The following RNF103 variants were observed in gnomAD, a reference collection of about 807,000 sequenced individuals.
RNF103 encodes E3 ubiquitin-protein ligase RNF103.
Under a neutral mutation model 66.2 loss-of-function variants are expected in RNF103, and 23 were observed. That is an observed-to-expected ratio of 0.35 (90% CI 0.25 to 0.49). The LOEUF (loss-of-function observed/expected upper bound fraction) is 0.49. Among genes scored for constraint, RNF103 ranks in the 20% least tolerant of loss-of-function variants. The pLI is 0.98. For synonymous variants in RNF103, 297 were observed against 289.9 expected (o/e 1.02, Z -0.25); for missense variants, 730 against 814.7 (o/e 0.90, Z 1.27).
chr2:86,623,191 C>A lies in RNF103; in HGVS notation c.-305G>T. 9.6e-7 allele frequency: 1 copy of A among 1,041,126 alleles called. No individual in the cohort carries two copies. 64.5% of individuals were successfully genotyped at this position (1,041,126 alleles called of 1,614,324 possible). ...CCATTAAGCACAGAAAGGAGAGGGG[C>A]GCGGGGAGAGCTCGCGGGGAAGAAC... On this transcript the variant is annotated 5_prime_UTR_variant, in exon 1 of 4. Coordinates refer to ENST00000237455, the MANE Select transcript of RNF103 (RefSeq NM_005667.4).
chr2:86,610,991 T>C (rs184031613), intron 3 of RNF103, among the ~76,000 whole-genome samples: 4 of 140,202 alleles, frequency 2.9e-5, no homozygotes, highest in East Asian at 2.1e-4. Flanking sequence ...CTGGGCAACA[T>C]AGCAAGACTC....
chr2:86,617,184 C>T (rs1314716876), intron 2 of RNF103: 5 of 985,208 alleles, frequency 5.1e-6, no homozygotes, highest in Non-Finnish European at 4.8e-6. Flanking sequence ...AGAGACTATA[C>T]GTAACATGGA....
At chr2:86,621,062 A>T (rs683139) in intron 1 of RNF103, among the ~76,000 whole-genome samples, 2 of 152,028 alleles carry the variant, frequency 1.3e-5, no homozygotes, top group African/African-American at 4.8e-5. Flanking sequence ...AAACACTAAA[A>T]TCAAATTATT....
At chr2:86,621,920 T>C (rs749541139) in intron 1 of RNF103, among the ~76,000 whole-genome samples, 11 of 152,220 alleles carry the variant, frequency 7.2e-5, no homozygotes, top group Non-Finnish European at 1.2e-4. Context: ...CTTTAAGACA[T>C]TGAATATTCT....
chr2:86,617,121 T>A, intron 2 of RNF103: 1 of 985,150 alleles, frequency 1.0e-6, no homozygotes, highest in Non-Finnish European at 1.2e-6. Flanking sequence ...TTGGTAAAGA[T>A]GTCATATGTA....
Position 86,603,683 on chromosome 2 carries a change from A to G in RNF103, c.*160T>C. On this transcript the variant is annotated 3_prime_UTR_variant, in exon 4 of 4. Coordinates refer to ENST00000237455, the MANE Select transcript of RNF103 (RefSeq NM_005667.4). The stretch of plus-strand genomic sequence containing the variant: ...TAGGTATGCATTCAATTAACACACA[A>G]GGCAACCAAATAAATTCTGTCATCA... 1 of 1,077,570 alleles carries G rather than the reference A, an allele frequency of 9.3e-7. No individual in the cohort carries two copies. The highest frequency in any genetic ancestry group is 1.3e-6 in the Non-Finnish European group (1 of 777,782). 66.8% of individuals were successfully genotyped at this position (1,077,570 alleles called of 1,614,324 possible).
At position 86,623,125 on chromosome 2, in the gene RNF103, A is replaced by C; in HGVS notation, c.-239T>G. 8.2e-7 allele frequency: 1 copy of C among 1,214,814 alleles called. No individual in the cohort carries two copies. 75.3% of individuals were successfully genotyped at this position (1,214,814 alleles called of 1,614,324 possible). ...AGCCTCGCGCCGGGCCTCCCAGTCA[A>C]GAGCCGACAAAAATAAAGGGGAAAA... On this transcript the variant is annotated 5_prime_UTR_variant, in exon 1 of 4. Coordinates refer to ENST00000237455, the MANE Select transcript of RNF103 (RefSeq NM_005667.4).
At position 86,623,789 on chromosome 2, in the gene RNF103, C is replaced by T. The variant is rs1353572479; in HGVS notation, c.-903G>A. 1.6e-6 allele frequency: 2 copies of T among 1,282,886 alleles called. No individual in the cohort carries two copies. The highest frequency in any genetic ancestry group is 4.6e-5 in the Admixed American group (2 of 43,264). 79.5% of individuals were successfully genotyped at this position (1,282,886 alleles called of 1,614,324 possible). Reference sequence around the variant, plus strand: ...TCGCAGCACCCGTCCCCAACACCCCCGCCACCTCCGGAGACCGCGGCCGTA... The same window carrying T: ...TCGCAGCACCCGTCCCCAACACCCCTGCCACCTCCGGAGACCGCGGCCGTA... On this transcript the variant is annotated 5_prime_UTR_variant, in exon 1 of 4. Transcript: ENST00000237455.
At position 86,603,744 on chromosome 2, in the gene RNF103, A is replaced by C; in HGVS notation, c.*99T>G. On this transcript the variant is annotated 3_prime_UTR_variant, in exon 4 of 4. Transcript: ENST00000237455. Reference sequence around the variant, plus strand: ...AATGTGTATTTCCCGTCACTGCACTAACATTAAACTAAACTTCAAACCACA... The same window carrying C: ...AATGTGTATTTCCCGTCACTGCACTCACATTAAACTAAACTTCAAACCACA... 6.8e-7 allele frequency: 1 copy of C among 1,471,190 alleles called. No homozygotes were observed. The highest frequency in any genetic ancestry group is 1.4e-5 in the South Asian group (1 of 73,276). The allele number at this position is 1,471,190 out of a possible 1,614,324, so 91.1% of individuals were successfully genotyped here. A position where few individuals can be genotyped will look rare whatever the true frequency, so the allele number is the denominator to read the frequency against.
intron 2 of RNF103, chr2:86,617,224 T>C (rs1679054165): frequency 5.1e-6 from 5 of 984,846 alleles, no homozygotes; most frequent in Non-Finnish European, 6.0e-6. Flanking sequence ...ATGAAGAGGA[T>C]TGAACTGGCT....
chr2:86,621,458 T>C (rs1218583962), intron 1 of RNF103, among the ~76,000 whole-genome samples: 1 of 152,206 alleles, frequency 6.6e-6, no homozygotes, highest in African/African-American at 2.4e-5. Flanking sequence ...ATGGTAGAAA[T>C]AAGAATCGCC....
At chr2:86,619,239 CTAA>C in intron 2 of RNF103, among the ~76,000 whole-genome samples, 1 of 152,218 alleles carries the variant, frequency 6.6e-6, no homozygotes, top group East Asian at 1.9e-4. Context: ...AGACCTGCAA[CTAA>C]TGTCTCTGAA....
intron 3 of RNF103, among the ~76,000 whole-genome samples, chr2:86,607,633 T>G (rs1678624986): frequency 6.6e-6 from 1 of 152,234 alleles, no homozygotes; most frequent in Non-Finnish European, 1.5e-5. Flanking sequence ...AATAATTCAT[T>G]GATTGACATG....
Position 86,621,249 on chromosome 2 carries a change from A to G in RNF103, c.227-780T>C, listed in dbSNP as rs116683988. On this transcript the variant is annotated intron_variant, in intron 1 of 3. Coordinates refer to ENST00000237455, the MANE Select transcript of RNF103 (RefSeq NM_005667.4). ...GTCTTAAAGTTAAATGTGGACTTCT[A>G]GTACATTCAATGTGCCAAGTATTTT... Among the ~76,000 whole-genome samples, 531 of 152,292 alleles carry G rather than the reference A, an allele frequency of 3.5e-3. 4 individuals carry two copies. The highest frequency in any genetic ancestry group is 0.011 in the African/African-American group (471 of 41,570).
intron 1 of RNF103, among the ~76,000 whole-genome samples, chr2:86,621,960 C>T (rs1573372965): frequency 6.6e-6 from 1 of 152,134 alleles, no homozygotes; most frequent in East Asian, 1.9e-4. Flanking sequence ...TATTTCTCAA[C>T]CCATTAAACA....
At chr2:86,619,477 G>A (rs1465748019) in intron 2 of RNF103, among the ~76,000 whole-genome samples, 1 of 152,098 alleles carries the variant, frequency 6.6e-6, no homozygotes, top group East Asian at 1.9e-4. Context: ...CTCAGAAAGG[G>A]TTAGTCTGAT....
rs539595637 is a variant in RNF103 at position 86,612,474 on chromosome 2, G to A, written c.367-200C>T. On this transcript the variant is annotated intron_variant, in intron 2 of 3. Transcript: ENST00000237455. ...GGAAAAAGACTTGAAACACTGAAACGTAAATTAAACTCTCCCACACTCTGT... is the reference window on the plus strand; with the variant it reads ...GGAAAAAGACTTGAAACACTGAAACATAAATTAAACTCTCCCACACTCTGT... 5.1e-5 allele frequency: 25 copies of A among 486,422 alleles called. 1 individual carries two copies. Among genetic ancestry groups the A allele is most frequent in the South Asian group, 1.3e-4 (5 of 37,054 alleles). 30.1% of individuals were successfully genotyped at this position (486,422 alleles called of 1,614,324 possible).
At position 86,623,851 on chromosome 2, in the gene RNF103, G is replaced by A. The variant is rs1444700990; in HGVS notation, c.-965C>T. The A allele has an allele frequency of 7.8e-7, 1 of 1,287,992 alleles. No homozygotes were observed. The highest frequency in any genetic ancestry group is 1.0e-6 in the Non-Finnish European group (1 of 988,330). 79.8% of individuals were successfully genotyped at this position (1,287,992 alleles called of 1,614,324 possible). A position where few individuals can be genotyped will look rare whatever the true frequency, so the allele number is the denominator to read the frequency against. ...CGTGTATCAGCGGCGGCCGCGGCCG[G>A]AGCCGAGACATAACAACTGACGTCG... On this transcript the variant is annotated 5_prime_UTR_variant, in exon 1 of 4. Coordinates refer to ENST00000237455, the MANE Select transcript of RNF103 (RefSeq NM_005667.4).
Position 86,604,910 on chromosome 2 carries a change from A to T in RNF103, c.991T>A (p.Leu331Met). The T allele has an allele frequency of 6.2e-7, 1 of 1,614,164 alleles. No homozygotes were observed. Among genetic ancestry groups the T allele is most frequent in the Non-Finnish European group, 8.5e-7 (1 of 1,180,024 alleles). The change falls in exon 4 of 4, where the codon TTG (leucine) becomes ATG (methionine). Residue 331 changes from leucine (L) to methionine (M), a missense_variant. Coordinates refer to ENST00000237455, the MANE Select transcript of RNF103 (RefSeq NM_005667.4). ...PEVNDLFVLS[L>M]VLVNLMAWMD... ...CAAGCCATAAGATTAACTAGAACCA[A>T]GCTCAAAACAAACAGATCATTTACC...
Sources: gnomAD v4.1 joint callset for allele counts (sites outside exome capture counted in the v4.1 genomes callset) on GRCh38, gnomAD v4.1.1 for gene constraint, MANE v1.5 for transcripts, NCBI Gene and HGNC (gene_info 2026-07-23, HGNC 2026-07-21) for gene names.